The following SYT2 variants were observed in gnomAD, a reference collection of about 807,000 sequenced individuals.
SYT2 encodes the protein synaptotagmin 2.
A neutral mutation model predicts 39.9 loss-of-function variants in SYT2; 15 were observed. The ratio of observed to expected loss-of-function variants is 0.38; its 90% CI spans 0.25 to 0.58. SYT2 has a LOEUF of 0.58. Ranked by LOEUF, SYT2 falls within the 20% of genes least tolerant of loss-of-function variation. The pLI is 0.70. For synonymous variants in SYT2, 181 were observed against 204.5 expected (o/e 0.89, Z 0.98); for missense variants, 389 against 530.3 (o/e 0.73, Z 2.62).
chr1:202,670,442 G>A (rs1692567233), intron 1 of SYT2, among the ~76,000 whole-genome samples: 1 of 152,158 alleles, frequency 6.6e-6, no homozygotes, highest in Non-Finnish European at 1.5e-5. Flanking sequence ...GTTCCAAGGA[G>A]CTGAAGAGCC....
At chr1:202,657,386 G>T (rs1362849550) in intron 1 of SYT2, among the ~76,000 whole-genome samples, 1 of 152,200 alleles carries the variant, frequency 6.6e-6, no homozygotes, top group Non-Finnish European at 1.5e-5. Flanking sequence ...AGTGAGATCT[G>T]AAGTCCATTT....
intron 1 of SYT2, among the ~76,000 whole-genome samples, chr1:202,624,773 GGT>G (rs1282317081): frequency 2.1e-5 from 3 of 140,480 alleles, no homozygotes; most frequent in East Asian, 2.6e-4. Flanking sequence ...TGTGGTGTGT[GGT>G]GTGTGTGTGG....
rs1345633809 is a variant in SYT2, at chr1:202,623,721, C to T, written c.-17-17932G>A. Reference sequence around the variant, plus strand: ...CGCATGCTCTGAGTGTGAGGGAGGACGGGTAGGACTGTGGGGGTCTGCCCT... The same window carrying T: ...CGCATGCTCTGAGTGTGAGGGAGGATGGGTAGGACTGTGGGGGTCTGCCCT... On this transcript the variant is annotated intron_variant, in intron 1 of 8. Coordinates refer to ENST00000367268, the MANE Select transcript of SYT2 (RefSeq NM_177402.5). This position sits in a 1 kb window ranked among gnomAD's most constrained non-coding sequence, Gnocchi z 4.2. Among the ~76,000 whole-genome samples, 3 of 152,128 alleles carry T rather than the reference C, an allele frequency of 2.0e-5. No homozygotes were observed. The highest frequency in any genetic ancestry group is 2.9e-5 in the Non-Finnish European group (2 of 68,018).
rs374324580 is a variant in SYT2, at chr1:202,655,575, G to A, written c.-17-49786C>T. 1.2e-4 allele frequency among the ~76,000 whole-genome samples: 18 copies of A among 152,242 alleles called. 1 individual carries two copies. Among genetic ancestry groups the A allele is most frequent in the Admixed American group, 7.8e-4 (12 of 15,294 alleles). On this transcript the variant is annotated intron_variant, in intron 1 of 8. Coordinates refer to ENST00000367268, the MANE Select transcript of SYT2 (RefSeq NM_177402.5). Reference sequence around the variant, plus strand: ...AACCTACGTGACCCTTGCAGGAGAGGTGTTCCTATCCTTGTTTTCCAGAAC... The same window carrying A: ...AACCTACGTGACCCTTGCAGGAGAGATGTTCCTATCCTTGTTTTCCAGAAC...
At chr1:202,605,143 T>C in intron 2 of SYT2, 1 of 167,034 alleles carries the variant, frequency 6.0e-6, no homozygotes, top group Non-Finnish European at 1.3e-5. Context: ...TCTGTGGTTC[T>C]GAAGCACCAT....
intron 1 of SYT2, among the ~76,000 whole-genome samples, chr1:202,664,630 G>T (rs938684053): frequency 5.9e-5 from 9 of 152,136 alleles, no homozygotes; most frequent in African/African-American, 9.7e-5. Context: ...ATCATTACAG[G>T]ATGTACTCTT....
chr1:202,611,107 T>C (rs4619029), intron 1 of SYT2, among the ~76,000 whole-genome samples: 14,677 of 152,282 alleles, frequency 0.096, 1,112 homozygotes, highest in East Asian at 0.36. Flanking sequence ...CATTGTAGTT[T>C]TGATTTGCAT....
rs1312688826 is a variant in SYT2, at chr1:202,628,030, C to T, written c.-17-22241G>A. ...CAACAAAGAGCCCCAGGGAGCTCCT[C>T]AAGCACACTGGGAAGGTGGGTCTAA... is the stretch of plus-strand genomic sequence containing the variant. On this transcript the variant is annotated intron_variant, in intron 1 of 8. Coordinates refer to ENST00000367268, the MANE Select transcript of SYT2 (RefSeq NM_177402.5). The surrounding 1 kb of genome is among the most constrained non-coding windows in gnomAD (Gnocchi z 4.2). Among the ~76,000 whole-genome samples the T allele has an allele frequency of 2.6e-5, 4 of 152,204 alleles. No homozygotes were observed. The South Asian group carries it at 8.3e-4, about 31-fold the overall frequency.
At chr1:202,613,755 C>T (rs1436150872) in intron 1 of SYT2, among the ~76,000 whole-genome samples, 2 of 152,212 alleles carry the variant, frequency 1.3e-5, no homozygotes, top group Admixed American at 1.3e-4. Context: ...ACGGTCCCTG[C>T]AGCACCCCAC....
intron 1 of SYT2, among the ~76,000 whole-genome samples, chr1:202,621,524 T>C (rs1039198570): frequency 1.2e-4 from 19 of 152,306 alleles, no homozygotes; most frequent in African/African-American, 4.6e-4. Context: ...CTTGAACTCC[T>C]GGCCTCATGA....
chr1:202,630,058 T>C lies in SYT2; in HGVS notation c.-17-24269A>G, dbSNP rs563503463. On this transcript the variant is annotated intron_variant, in intron 1 of 8. Coordinates refer to ENST00000367268, the MANE Select transcript of SYT2 (RefSeq NM_177402.5). The stretch of plus-strand genomic sequence containing the variant: ...AGGGAGATTGAGAAATGACCAGGAA[T>C]GGGAGGAAAGCTCCGAAGAACAGAA... Among the ~76,000 whole-genome samples, 9 of 151,956 alleles carry C rather than the reference T, an allele frequency of 5.9e-5. No homozygotes were observed. The East Asian group carries it at 1.7e-3, about 29-fold the overall frequency.
intron 1 of SYT2, among the ~76,000 whole-genome samples, chr1:202,668,281 C>T (rs1379125292): frequency 6.6e-6 from 1 of 152,218 alleles, no homozygotes; most frequent in African/African-American, 2.4e-5. Flanking sequence ...GGTTAAGACA[C>T]ATGTCTGCTT....
chr1:202,698,722 A>G (rs1354765466), intron 1 of SYT2, among the ~76,000 whole-genome samples: 1 of 152,218 alleles, frequency 6.6e-6, no homozygotes, highest in Non-Finnish European at 1.5e-5. Context: ...GGAATAGGAA[A>G]TAGGCACTCA....
chr1:202,644,238 AAG>A (rs1289569413), intron 1 of SYT2, among the ~76,000 whole-genome samples: 1 of 151,916 alleles, frequency 6.6e-6, no homozygotes, highest in Non-Finnish European at 1.5e-5. Flanking sequence ...GGAGAGGAGG[AAG>A]AGCGTCTGCT....
chr1:202,666,051 G>A (rs564676303), intron 1 of SYT2, among the ~76,000 whole-genome samples: 263 of 151,748 alleles, frequency 1.7e-3, no homozygotes, highest in African/African-American at 6.1e-3. Flanking sequence ...TACTCGGGAG[G>A]TTGAGGCAGG....
intron 1 of SYT2, among the ~76,000 whole-genome samples, chr1:202,675,449 C>G (rs1653342177): frequency 6.6e-6 from 1 of 151,464 alleles, no homozygotes; most frequent in South Asian, 2.1e-4. Context: ...GCATAGACAG[C>G]CATGAAAGTA....
chr1:202,592,744 G>C lies in SYT2; in HGVS notation c.*4013C>G, dbSNP rs1026422584. 2.0e-5 allele frequency: 3 copies of C among 152,144 alleles called. No individual in the cohort carries two copies. Among genetic ancestry groups the C allele is most frequent in the African/African-American group, 7.2e-5 (3 of 41,434 alleles). The allele number at this position is 152,144 out of a possible 1,614,324, so 9.4% of individuals were successfully genotyped here. A position where few individuals can be genotyped will look rare whatever the true frequency, so the allele number is the denominator to read the frequency against. On this transcript the variant is annotated 3_prime_UTR_variant, in exon 9 of 9. Transcript: ENST00000367268. ...CTCAATATTGCAGTTCAAAAAACTG[G>C]TTAAGTCAAATCCTTGGGGTTCCTG...
intron 1 of SYT2, chr1:202,639,419 G>T: frequency 1.2e-6 from 1 of 818,704 alleles, no homozygotes; most frequent in Non-Finnish European, 1.5e-6. Flanking sequence ...AAGCTCCGTC[G>T]CTGGGCTTGG....
chr1:202,657,343 C>A (rs183447448), intron 1 of SYT2, among the ~76,000 whole-genome samples: 241 of 152,336 alleles, frequency 1.6e-3, no homozygotes, highest in African/African-American at 5.4e-3. Context: ...CCAAAGTGGG[C>A]CTCTTTCTCC....
Sources: allele counts gnomAD v4.1 joint callset (sites outside exome capture counted in the v4.1 genomes callset), GRCh38; gene constraint gnomAD v4.1.1; non-coding constraint Gnocchi (gnomAD v3.1); transcripts MANE v1.5; gene names NCBI Gene and HGNC (gene_info 2026-07-23, HGNC 2026-07-21).